The following THSD7A variants were observed in gnomAD, a reference collection of about 807,000 sequenced individuals.
THSD7A encodes thrombospondin type-1 domain-containing protein 7A.
Under a neutral mutation model 231.3 loss-of-function variants are expected in THSD7A, and 96 were observed. The ratio of observed to expected loss-of-function variants is 0.41; its 90% CI spans 0.35 to 0.49. The LOEUF is 0.49. THSD7A is among the 20% of genes least tolerant of loss of function. The pLI is 0.05. For missense variants in THSD7A, 2,290 were observed against 2,070.2 expected (o/e 1.11, Z -2.06); for synonymous variants, 940 against 743.3 (o/e 1.26, Z -4.30).
chr7:11,627,787 A>G (rs1781520329), intron 2 of THSD7A, among the ~76,000 whole-genome samples: 1 of 152,168 alleles, frequency 6.6e-6, no homozygotes, highest in Admixed American at 6.5e-5. Context: ...TTAGTGAAGA[A>G]TATGTTCTGA....
intron 1 of THSD7A, among the ~76,000 whole-genome samples, chr7:11,736,914 C>T (rs1318769733): frequency 2.0e-5 from 3 of 151,996 alleles, no homozygotes; most frequent in South Asian, 2.1e-4. Context: ...CCATCCTATT[C>T]TTGTGAAAAT....
intron 6 of THSD7A, among the ~76,000 whole-genome samples, chr7:11,529,728 T>C (rs1788624990): frequency 6.6e-6 from 1 of 152,200 alleles, no homozygotes; most frequent in African/African-American, 2.4e-5. Context: ...ATTAAACCTC[T>C]TTCCTTTATA....
chr7:11,735,274 C>T (rs1526535), intron 1 of THSD7A, among the ~76,000 whole-genome samples: 83,856 of 150,952 alleles, frequency 0.56, 23,473 homozygotes, highest in Non-Finnish European at 0.6. Context: ...ACATTTTACC[C>T]GTATATTAAA....
At chr7:11,516,672 A>G (rs1323711200) in intron 6 of THSD7A, among the ~76,000 whole-genome samples, 1 of 152,250 alleles carries the variant, frequency 6.6e-6, no homozygotes, top group Non-Finnish European at 1.5e-5. Context: ...TGCTAACAAT[A>G]TAAATCTCCA....
At chr7:11,647,924 T>A (rs571420456) in intron 1 of THSD7A, among the ~76,000 whole-genome samples, 4 of 152,186 alleles carry the variant, frequency 2.6e-5, no homozygotes, top group African/African-American at 9.6e-5. Context: ...AGAGGTTAGC[T>A]GATATCCACA....
At chr7:11,387,304 G>A (rs1257114579) in intron 23 of THSD7A, among the ~76,000 whole-genome samples, 1 of 152,144 alleles carries the variant, frequency 6.6e-6, no homozygotes, top group Non-Finnish European at 1.5e-5. Flanking sequence ...ACTTTGGGCA[G>A]TATGGCCATT....
rs1784000441 is a variant in THSD7A, at chr7:11,417,501, G to C, written c.3486C>G (p.Cys1162Trp). The change falls in exon 17 of 28, where the codon TGC becomes TGG. Residue 1162 changes from cysteine to tryptophan, a missense_variant. Cys to Trp is a radical substitution (Grantham distance 215). Transcript: ENST00000423059. ...PLGSRVCKLPCPEDCVISEWG... is the reference protein window; with the variant it reads ...PLGSRVCKLPWPEDCVISEWG... Reference sequence around the variant, plus strand: ...ATTCAGATATCACACAGTCCTCAGGGCATGGTAATTTGCACACTCTAGAGC... The same window carrying C: ...ATTCAGATATCACACAGTCCTCAGGCCATGGTAATTTGCACACTCTAGAGC... The C allele has an allele frequency of 6.2e-7, 1 of 1,613,456 alleles. No homozygotes were observed. The highest frequency in any genetic ancestry group is 1.1e-5 in the South Asian group (1 of 91,028).
At position 11,581,457 on chromosome 7, in the gene THSD7A, A is replaced by G. The variant is rs73059873; in HGVS notation, c.1453+9003T>C. Among the ~76,000 whole-genome samples, 1,186 of 152,190 alleles carry G rather than the reference A, an allele frequency of 7.8e-3. 13 individuals are homozygous for G. Among genetic ancestry groups the G allele is most frequent in the Non-Finnish European group, 0.012 (826 of 67,956 alleles). The stretch of plus-strand genomic sequence containing the variant: ...AATTTTATAATCCTGTCTGGGTAAT[A>G]ATTTCTTTGCCAATGTCATTTTTGT... On this transcript the variant is annotated intron_variant, in intron 4 of 27. Transcript: ENST00000423059.
chr7:11,491,857 C>T lies in THSD7A; in HGVS notation c.1823-9875G>A, dbSNP rs115657513. On this transcript the variant is annotated intron_variant, in intron 6 of 27. Transcript: ENST00000423059. Reference sequence around the variant, plus strand: ...GAGTTCTAATCTCAAGTTAGTCCCTCGTGGAGCCTTGCAACGCTCTTTTTG... The same window carrying T: ...GAGTTCTAATCTCAAGTTAGTCCCTTGTGGAGCCTTGCAACGCTCTTTTTG... Among the ~76,000 whole-genome samples the T allele has an allele frequency of 6.2e-4, 95 of 152,178 alleles. 1 individual carries two copies. The highest frequency in any genetic ancestry group is 3.4e-3 in the Middle Eastern group (1 of 294).
chr7:11,649,885 A>G (rs945728596), intron 1 of THSD7A, among the ~76,000 whole-genome samples: 1 of 151,790 alleles, frequency 6.6e-6, no homozygotes, highest in Non-Finnish European at 1.5e-5. Flanking sequence ...AGTATAATAT[A>G]TCATTCATAT....
At chr7:11,400,306 A>G (rs1783355343) in intron 23 of THSD7A, among the ~76,000 whole-genome samples, 1 of 152,184 alleles carries the variant, frequency 6.6e-6, no homozygotes, top group Admixed American at 6.5e-5. Flanking sequence ...AACTTAAAGT[A>G]TAATTAAAAA....
intron 1 of THSD7A, among the ~76,000 whole-genome samples, chr7:11,815,829 C>T (rs991808345): frequency 2.0e-5 from 3 of 151,990 alleles, no homozygotes; most frequent in African/African-American, 7.2e-5. Context: ...CTGTGTCATC[C>T]ATCCATTCCC....
In THSD7A at chr7:11,459,758, T is replaced by C. The variant is rs1466208398; in HGVS notation, c.2605+904A>G. Among the ~76,000 whole-genome samples the C allele has an allele frequency of 3.7e-5, 5 of 133,446 alleles. No homozygotes were observed. The Admixed American group carries it at 3.8e-4, about 10-fold the overall frequency. 87.5% of individuals were successfully genotyped at this position (133,446 alleles called of 152,430 possible). ...CAGTTTTTTTTCACTGTACAGAAAATGAAGTCCCAGATCAAATCAGCAAAA... is the reference window on the plus strand; with the variant it reads ...CAGTTTTTTTTCACTGTACAGAAAACGAAGTCCCAGATCAAATCAGCAAAA... On this transcript the variant is annotated intron_variant, in intron 11 of 27. Coordinates refer to ENST00000423059, the MANE Select transcript of THSD7A (RefSeq NM_015204.3).
intron 10 of THSD7A, 115 bp downstream of exon 10, chr7:11,461,896 C>G: frequency 7.5e-7 from 1 of 1,329,174 alleles, no homozygotes; most frequent in Non-Finnish European, 1.0e-6. Context: ...AACATCCCAA[C>G]TCCATTGAGC....
intron 1 of THSD7A, among the ~76,000 whole-genome samples, chr7:11,687,796 T>C (rs1464934923): frequency 1.3e-5 from 2 of 151,902 alleles, no homozygotes. Context: ...TGAAGCCAAC[T>C]AGAACCATTA....
chr7:11,643,206 A>T (rs1478903705), intron 1 of THSD7A, among the ~76,000 whole-genome samples: 2 of 152,074 alleles, frequency 1.3e-5, no homozygotes. Flanking sequence ...TGGTTATGGA[A>T]CAGCATGTCC....
At chr7:11,787,838 G>A (rs1401496449) in intron 1 of THSD7A, among the ~76,000 whole-genome samples, 2 of 151,908 alleles carry the variant, frequency 1.3e-5, no homozygotes, top group Admixed American at 6.6e-5. Context: ...GAAGATAGAT[G>A]GACACTTTCT....
chr7:11,793,836 AT>A (rs1284795155), intron 1 of THSD7A, among the ~76,000 whole-genome samples: 3 of 151,900 alleles, frequency 2.0e-5, no homozygotes, highest in South Asian at 4.1e-4. Context: ...TGGGTGTTTT[AT>A]TTCTGATTTC....
chr7:11,446,397 C>T lies in THSD7A; in HGVS notation c.2801-73G>A. ...TTAATTTCACACATCCCTAAATTTT[C>T]TGCTTTCCTAATTTCTTTTTCTTCA... is the stretch of plus-strand genomic sequence containing the variant. On this transcript the variant is annotated intron_variant, in intron 12 of 27. Coordinates refer to ENST00000423059, the MANE Select transcript of THSD7A (RefSeq NM_015204.3). This position sits in a 1 kb window ranked among gnomAD's most constrained non-coding sequence, Gnocchi z 4.0. 6.8e-7 allele frequency: 1 copy of T among 1,481,026 alleles called. No homozygotes were observed. Among genetic ancestry groups the T allele is most frequent in the Non-Finnish European group, 9.1e-7 (1 of 1,104,918 alleles). The allele number at this position is 1,481,026 out of a possible 1,614,324, so 91.7% of individuals were successfully genotyped here.
Sources: gnomAD v4.1 joint callset for allele counts (sites outside exome capture counted in the v4.1 genomes callset) on GRCh38, gnomAD v4.1.1 for gene constraint, Gnocchi (gnomAD v3.1) non-coding constraint, MANE v1.5 for transcripts, NCBI Gene and HGNC (gene_info 2026-07-23, HGNC 2026-07-21) for gene names.